MYO1C: variants seen among roughly 807,000 people sequenced by gnomAD.
The protein encoded by MYO1C is myosin IC.
MYO1C carries 104 observed loss-of-function variants against 150.8 expected under a neutral mutation model. The observed-to-expected ratio is 0.69, with a 90% CI of 0.59 to 0.81. The LOEUF is 0.81. Ranked by LOEUF, MYO1C falls within the 30% of genes least tolerant of loss-of-function variation. The pLI is 0.00. For missense variants in MYO1C, 1,504 were observed against 1,435.0 expected (o/e 1.05, Z -0.78); for synonymous variants, 663 against 579.9 (o/e 1.14, Z -2.06).
At position 1,467,917 on chromosome 17, in the gene MYO1C, G is replaced by A; in HGVS notation, c.2897-7C>T. The stretch of plus-strand genomic sequence containing the variant: ...AGGCTGCTGACAGAGATTCCTGAGG[G>A]GAGAGGGCAAAGGTCAGAGGTCGAG... On this transcript the variant is annotated splice_polypyrimidine_tract_variant and splice_region_variant and intron_variant, in intron 28 of 31. Coordinates refer to ENST00000648651, the MANE Select transcript of MYO1C (RefSeq NM_001080779.2). The A allele has an allele frequency of 1.2e-6, 2 of 1,612,490 alleles. No homozygotes were observed. Among genetic ancestry groups the A allele is most frequent in the African/African-American group, 1.3e-5 (1 of 74,452 alleles).
chr17:1,468,883 G>A (rs549690785), intron 25 of MYO1C: 6 of 349,982 alleles, frequency 1.7e-5, no homozygotes, highest in African/African-American at 6.3e-5. Flanking sequence ...GCAAAAACAC[G>A]GCACATCAAC....
chr17:1,470,747 G>C, intron 21 of MYO1C, 58 bp from the exon 22 acceptor site: 1 of 1,531,380 alleles, frequency 6.5e-7, no homozygotes, highest in Non-Finnish European at 8.9e-7. Context: ...TGGGAGCCTG[G>C]TGCCGTGTGC....
chr17:1,469,209 G>A, intron 25 of MYO1C: 1 of 403,542 alleles, frequency 2.5e-6, no homozygotes, highest in South Asian at 2.1e-5. Flanking sequence ...AATATGGTAG[G>A]CAGGGCAAAA....
chr17:1,465,692 A>G lies in MYO1C; in HGVS notation c.*34T>C, dbSNP rs1449829152. The G allele has an allele frequency of 6.8e-6, 9 of 1,331,152 alleles. No homozygotes were observed. Among genetic ancestry groups the G allele is most frequent in the Admixed American group, 3.0e-5 (1 of 32,916 alleles). 82.5% of individuals were successfully genotyped at this position (1,331,152 alleles called of 1,614,324 possible). On this transcript the variant is annotated 3_prime_UTR_variant, in exon 32 of 32. Coordinates refer to ENST00000648651, the MANE Select transcript of MYO1C (RefSeq NM_001080779.2). ...AAGGGGAGGAGGAGAAAAGCAAAGCATTGGGCGTTGGGAGGGTCCAGTGGG... is the reference window on the plus strand; with the variant it reads ...AAGGGGAGGAGGAGAAAAGCAAAGCGTTGGGCGTTGGGAGGGTCCAGTGGG...
In MYO1C at chr17:1,478,092, T is replaced by C. The variant is rs371785082; in HGVS notation, c.1396A>G (p.Ile466Val). The part of the protein sequence containing the change: ...SEQEEYEAEG[I>V]AWEPVQYFNN... ...GCCCCCAGGCTAGCACACACCGCGATGCCCTCTGCCTCGTACTCCTCCTGC... is the reference window on the plus strand; with the variant it reads ...GCCCCCAGGCTAGCACACACCGCGACGCCCTCTGCCTCGTACTCCTCCTGC... The change falls in exon 12 of 32, where the codon ATC (isoleucine) becomes GTC (valine). Residue 466 changes from isoleucine to valine, a missense_variant. Ile to Val is a conservative substitution (Grantham distance 29). Coordinates refer to ENST00000648651, the MANE Select transcript of MYO1C (RefSeq NM_001080779.2). This position sits in a 1 kb window ranked among gnomAD's most constrained non-coding sequence, Gnocchi z 6.3. The C allele has an allele frequency of 6.2e-7, 1 of 1,614,074 alleles. No homozygotes were observed. The highest frequency in any genetic ancestry group is 8.5e-7 in the Non-Finnish European group (1 of 1,180,016).
chr17:1,483,123 G>A (rs897345592), intron 3 of MYO1C, 64 bp from the exon 4 acceptor site: 48 of 1,471,632 alleles, frequency 3.3e-5, no homozygotes, highest in Admixed American at 1.2e-4. Context: ...CGAGAGTCCC[G>A]CTCCCACATC....
At chr17:1,467,220 C>T (rs754391018) in intron 31 of MYO1C, 22 bp downstream of exon 31, 19 of 1,596,124 alleles carry the variant, frequency 1.2e-5, no homozygotes, top group Middle Eastern at 1.7e-4. Flanking sequence ...AGGCCATAAG[C>T]GGGAAAGCAG....
At chr17:1,491,755 C>T (rs2074737919) in intron 1 of MYO1C, 2 of 614,460 alleles carry the variant, frequency 3.3e-6, no homozygotes, top group Non-Finnish European at 4.1e-6. Flanking sequence ...TCCGGCCCCG[C>T]CCCGCCCCGC....
chr17:1,474,904 G>A (rs201462156), intron 15 of MYO1C, 34 bp downstream of exon 15: 2 of 1,612,244 alleles, frequency 1.2e-6, no homozygotes, highest in African/African-American at 2.7e-5. Context: ...CCTCCCCGCA[G>A]GCCCCTGTGG....
At chr17:1,488,453 C>A (rs2074693359) in intron 1 of MYO1C, among the ~76,000 whole-genome samples, 1 of 152,228 alleles carries the variant, frequency 6.6e-6, no homozygotes, top group African/African-American at 2.4e-5. Flanking sequence ...GCTGCAGCGC[C>A]AGGCGCCTCC....
chr17:1,464,956 G>A lies in MYO1C; in HGVS notation c.*770C>T, dbSNP rs2074141307. On this transcript the variant is annotated 3_prime_UTR_variant, in exon 32 of 32. Transcript: ENST00000648651. ...GCCTCCCGAGTAGCTGGGATTAGAG[G>A]CGTGCACCACCATGCCCGGCTAATT... 1 of 152,250 alleles carries A rather than the reference G, an allele frequency of 6.6e-6. No individual in the cohort carries two copies. Among genetic ancestry groups the A allele is most frequent in the African/African-American group, 2.4e-5 (1 of 41,402 alleles). The allele number at this position is 152,250 out of a possible 1,614,324, so 9.4% of individuals were successfully genotyped here.
rs202194262 is a variant in MYO1C, at chr17:1,474,689, G to A, written c.1718C>T (p.Thr573Ile). ...NDLLFRNLKE[T>I]MCSSKNPIMS... ...AATGGGATTCTTTGAGCTACACATG[G>A]TCTGTGTGGGCAGAGCCGGGGTCAG... Residue 573 changes from threonine to isoleucine, a missense_variant and splice_region_variant, in exon 17 of 32, where the codon ACC (threonine) becomes ATC (isoleucine). By Grantham distance (89) the Thr-to-Ile change is moderately conservative. Transcript: ENST00000648651. The A allele has an allele frequency of 3.7e-6, 6 of 1,613,898 alleles. No homozygotes were observed. The highest frequency in any genetic ancestry group is 5.1e-6 in the Non-Finnish European group (6 of 1,179,918).
chr17:1,484,055 A>AT, intron 2 of MYO1C, 93 bp downstream of exon 2: 3 of 1,471,926 alleles, frequency 2.0e-6, no homozygotes, highest in Non-Finnish European at 1.8e-6. Flanking sequence ...AAAAAAAAAA[A>AT]GTTTATCCCG....
chr17:1,470,951 G>T, intron 21 of MYO1C, 120 bp downstream of exon 21: 1 of 1,156,776 alleles, frequency 8.6e-7, no homozygotes, highest in East Asian at 2.5e-5. Flanking sequence ...CCCTGGAGCT[G>T]GGCGTGGGGC....
In MYO1C at chr17:1,464,262, G is replaced by A. The variant is rs1489705004; in HGVS notation, c.*1464C>T. On this transcript the variant is annotated 3_prime_UTR_variant, in exon 32 of 32. Coordinates refer to ENST00000648651, the MANE Select transcript of MYO1C (RefSeq NM_001080779.2). The stretch of plus-strand genomic sequence containing the variant: ...CAGCAGTGGGCTGAGACCCCCAGAA[G>A]GGCATAGAGGCAGCTGGGCAGCCCC... The A allele has an allele frequency of 6.5e-6, 1 of 152,706 alleles. No individual in the cohort carries two copies. The highest frequency in any genetic ancestry group is 1.5e-5 in the Non-Finnish European group (1 of 68,080). The allele number at this position is 152,706 out of a possible 1,614,324, so 9.5% of individuals were successfully genotyped here. A position where few individuals can be genotyped will look rare whatever the true frequency, so the allele number is the denominator to read the frequency against.
Position 1,467,434 on chromosome 17 carries a change from C to A in MYO1C, c.3065+46G>T, listed in dbSNP as rs1567512714. The A allele has an allele frequency of 3.7e-6, 6 of 1,602,644 alleles. 1 individual carries two copies. Among genetic ancestry groups the A allele is most frequent in the Non-Finnish European group, 5.1e-6 (6 of 1,175,470 alleles). ...CCCTGTCCCTGGGTGCCCACACAGC[C>A]CCCTCGCCACCCCCGCCCTGTCCCC... On this transcript the variant is annotated intron_variant, in intron 30 of 31. Coordinates refer to ENST00000648651, the MANE Select transcript of MYO1C (RefSeq NM_001080779.2).
chr17:1,477,085 C>T (rs532120427), intron 14 of MYO1C, among the ~76,000 whole-genome samples: 20 of 152,246 alleles, frequency 1.3e-4, no homozygotes, highest in African/African-American at 1.9e-4. Flanking sequence ...GTGATCCACC[C>T]GCCTCAGCCT....
chr17:1,470,257 G>C lies in MYO1C; in HGVS notation c.2444C>G (p.Ser815Cys), dbSNP rs760080002. ...NAFFLDHVRTSFLLNLRRQLP... is the reference protein window; with the variant it reads ...NAFFLDHVRTCFLLNLRRQLP... The stretch of plus-strand genomic sequence containing the variant: ...CTGCCGCCTCAGGTTTAGCAAAAAA[G>C]AGGTGCGCACATGGTCCAGGAAGAA... Residue 815 changes from serine (S) to cysteine (C), a missense_variant, in exon 24 of 32, where the codon TCT becomes TGT. Ser to Cys is a moderately radical substitution (Grantham distance 112). Coordinates refer to ENST00000648651, the MANE Select transcript of MYO1C (RefSeq NM_001080779.2). The C allele has an allele frequency of 3.7e-6, 6 of 1,606,468 alleles. No individual in the cohort carries two copies. Among genetic ancestry groups the C allele is most frequent in the Non-Finnish European group, 3.4e-6 (4 of 1,177,162 alleles).
intron 1 of MYO1C, chr17:1,491,565 C>A: frequency 1.0e-6 from 1 of 955,898 alleles, no homozygotes; most frequent in Non-Finnish European, 1.2e-6. Flanking sequence ...ACACCCGCCC[C>A]CCGCGGCCGC....
Sources: gnomAD v4.1 joint callset for allele counts (sites outside exome capture counted in the v4.1 genomes callset) on GRCh38, gnomAD v4.1.1 for gene constraint, Gnocchi (gnomAD v3.1) non-coding constraint, MANE v1.5 for transcripts, NCBI Gene and HGNC (gene_info 2026-07-23, HGNC 2026-07-21) for gene names.